The following TMEM114 variants were observed in gnomAD, a reference collection of about 807,000 sequenced individuals.
TMEM114 encodes claudin-26.
Under a neutral mutation model 6.2 loss-of-function variants are expected in TMEM114, and 6 were observed. The observed-to-expected ratio is 0.97, with a 90% CI of 0.53 to 1.91. The LOEUF (loss-of-function observed/expected upper bound fraction) is 1.91, where lower values mean the gene tolerates loss of function less well. Ranked by LOEUF, TMEM114 falls within the 40% of genes most tolerant of loss-of-function variation. The pLI is 0.01. For missense variants in TMEM114, 218 were observed against 158.3 expected (o/e 1.38, Z -2.02); for synonymous variants, 104 against 73.0 (o/e 1.42, Z -2.16).
the TMEM114 span, among the ~76,000 whole-genome samples, chr16:8,528,993 C>G: frequency 4.6e-3 from 697 of 152,338 alleles, 4 homozygotes; most frequent in African/African-American, 0.016. Context: ...TTCATGACAG[C>G]TGAGCACAGG....
chr16:8,570,031 G>A (rs1477345117), intron 3 of TMEM114, 26 bp from the exon 4 acceptor site: 8 of 1,533,770 alleles, frequency 5.2e-6, no homozygotes, highest in East Asian at 4.9e-5. Flanking sequence ...AGGGAGAGCA[G>A]ATCAATCCCC....
At chr16:8,562,912 ATGAGTAAATGAG>A (rs1901317388) in intron 2 of TMEM114, among the ~76,000 whole-genome samples, 1 of 30,716 alleles carries the variant, frequency 3.3e-5, no homozygotes, top group Non-Finnish European at 8.1e-5. Flanking sequence ...GAGTGAGTGA[ATGAGTAAATGAG>A]TGAGTGAGTG....
downstream of TMEM114, among the ~76,000 whole-genome samples, chr16:8,534,352 G>A (rs375430801): frequency 1.3e-4 from 20 of 148,698 alleles, no homozygotes; most frequent in East Asian, 4.0e-4. Context: ...TTGCTTATTT[G>A]AAAAAAAAAA....
At chr16:8,581,461 T>A (rs905163350) in intron 2 of TMEM114, among the ~76,000 whole-genome samples, 1 of 152,112 alleles carries the variant, frequency 6.6e-6, no homozygotes, top group African/African-American at 2.4e-5. Flanking sequence ...AGTGGACTTG[T>A]GTGTGTGTGA....
Position 8,544,979 on chromosome 16 carries a change from G to A in TMEM114, n.213-7153C>T, listed in dbSNP as rs76549084. Among the ~76,000 whole-genome samples, 12 of 151,192 alleles carry A rather than the reference G, an allele frequency of 7.9e-5. No homozygotes were observed. The East Asian group carries it at 2.3e-3, about 29-fold the overall frequency. On this transcript the variant is annotated intron_variant and non_coding_transcript_variant, in intron 2 of 2. Transcript: ENST00000623677. ...AACCCCGTAATATCTTATCTTGTGA[G>A]GCTTGGCATTGAAATGCAGTTTCCA...
chr16:8,555,001 G>C (rs1391637371), intron 2 of TMEM114, among the ~76,000 whole-genome samples: 1 of 152,236 alleles, frequency 6.6e-6, no homozygotes, highest in African/African-American at 2.4e-5. Context: ...CTGGAAGTCA[G>C]AAGGTGAGGC....
At chr16:8,529,075 C>G in the TMEM114 span, among the ~76,000 whole-genome samples, 1 of 152,162 alleles carries the variant, frequency 6.6e-6, no homozygotes, top group Non-Finnish European at 1.5e-5. Flanking sequence ...GAGAATCGTT[C>G]GGAGAGGACA....
intron 2 of TMEM114, among the ~76,000 whole-genome samples, chr16:8,548,064 G>T (rs1277497389): frequency 6.6e-6 from 1 of 152,202 alleles, no homozygotes; most frequent in East Asian, 1.9e-4. Context: ...GAAAGTGCAA[G>T]TTTCACGCTC....
chr16:8,548,533 G>A (rs904108992), intron 2 of TMEM114, among the ~76,000 whole-genome samples: 7 of 152,084 alleles, frequency 4.6e-5, no homozygotes, highest in African/African-American at 9.7e-5. Context: ...GGTGCACTGT[G>A]TATCTGTTTC....
intron 2 of TMEM114, among the ~76,000 whole-genome samples, chr16:8,577,840 G>A (rs1222682382): frequency 6.6e-6 from 1 of 152,062 alleles, no homozygotes; most frequent in African/African-American, 2.4e-5. Flanking sequence ...ACCCACCCTG[G>A]CCTCCCAAAG....
intron 2 of TMEM114, among the ~76,000 whole-genome samples, chr16:8,558,894 C>T (rs1465022411): frequency 6.8e-6 from 1 of 146,226 alleles, no homozygotes; most frequent in East Asian, 2.0e-4. Flanking sequence ...GCACGTGCCA[C>T]CATGCCCAGC....
At chr16:8,533,893 G>T (rs1365322858), downstream of TMEM114, among the ~76,000 whole-genome samples, 1 of 152,170 alleles carries the variant, frequency 6.6e-6, no homozygotes, top group Non-Finnish European at 1.5e-5. Context: ...ACCTGTCCAG[G>T]AGAAGGATGC....
chr16:8,552,321 C>T (rs1424285708), intron 2 of TMEM114, among the ~76,000 whole-genome samples: 2 of 151,902 alleles, frequency 1.3e-5, no homozygotes, highest in Non-Finnish European at 1.5e-5. Context: ...GAGGTTGAGG[C>T]TGTAGTGAGC....
chr16:8,530,121 G>C, the TMEM114 span, among the ~76,000 whole-genome samples: 2 of 152,182 alleles, frequency 1.3e-5, no homozygotes, highest in African/African-American at 2.4e-5. Context: ...ATTTGCATTA[G>C]CTTTTTCCTG....
chr16:8,532,297 C>G, the TMEM114 span, among the ~76,000 whole-genome samples: 2 of 152,186 alleles, frequency 1.3e-5, no homozygotes, highest in South Asian at 2.1e-4. Flanking sequence ...CACTCTGCCT[C>G]TAGCCCTCTG....
downstream of TMEM114, among the ~76,000 whole-genome samples, chr16:8,568,295 T>C (rs930676720): frequency 6.6e-6 from 1 of 152,140 alleles, no homozygotes; most frequent in Non-Finnish European, 1.5e-5. Flanking sequence ...GTTGCTGGTG[T>C]GTACTGGCCT....
At chr16:8,583,709 C>A (rs62018871) in intron 2 of TMEM114, among the ~76,000 whole-genome samples, 34,321 of 151,534 alleles carry the variant, frequency 0.23, 4,140 homozygotes, top group Middle Eastern at 0.33. Context: ...GATTGTGCTA[C>A]TACACTGCAG....
At chr16:8,538,061 G>C (rs925362288) in intron 2 of TMEM114, among the ~76,000 whole-genome samples, 8 of 144,168 alleles carry the variant, frequency 5.5e-5, no homozygotes, top group African/African-American at 1.6e-4. Flanking sequence ...CACTTTGTGA[G>C]GCCAGGGCAG....
chr16:8,536,362 C>G (rs1419005707), downstream of TMEM114, among the ~76,000 whole-genome samples: 1 of 152,154 alleles, frequency 6.6e-6, no homozygotes, highest in Non-Finnish European at 1.5e-5. Flanking sequence ...TTGTACATAG[C>G]TAACTTCACC....
Sources: gnomAD v4.1 joint callset for allele counts (sites outside exome capture counted in the v4.1 genomes callset) on GRCh38, gnomAD v4.1.1 for gene constraint, MANE v1.5 for transcripts, NCBI Gene and HGNC (gene_info 2026-07-23, HGNC 2026-07-21) for gene names.